The following ERCC6 variants were observed in gnomAD, a reference collection of about 807,000 sequenced individuals.
ERCC6 encodes ERCC excision repair 6, chromatin remodeling factor, also known as DNA excision repair protein ERCC-6.
Under a neutral mutation model 158.7 loss-of-function variants are expected in ERCC6, and 116 were observed. The ratio of observed to expected loss-of-function variants is 0.73; its 90% CI spans 0.63 to 0.85. ERCC6 has a LOEUF of 0.85. ERCC6 is among the 40% of genes least tolerant of loss of function. The pLI, the probability that ERCC6 is intolerant of heterozygous loss-of-function variation, is 0.00. For missense variants in ERCC6, 1,698 were observed against 1,799.4 expected (o/e 0.94, Z 1.02); for synonymous variants, 678 against 659.3 (o/e 1.03, Z -0.43).
intron 1 of ERCC6, 31 bp from the exon 2 acceptor site, chr10:49,533,009 G>A (rs761237267): frequency 3.9e-5 from 62 of 1,608,152 alleles, no homozygotes; most frequent in African/African-American, 6.7e-5. Flanking sequence ...AAGCCTTTTC[G>A]TTATATAGGA....
At position 49,493,244 on chromosome 10, in the gene ERCC6, C is replaced by G; in HGVS notation, c.1694G>C (p.Gly565Ala). 6.2e-7 allele frequency: 1 copy of G among 1,614,004 alleles called. No individual in the cohort carries two copies. The highest frequency in any genetic ancestry group is 8.5e-7 in the Non-Finnish European group (1 of 1,179,986). ...RTRGSNYRFE[G>A]LGPTVIVCPT... is the part of the protein sequence containing the mutation. ...ACAGACAATTACAGTTGGACCCAACCCCTCAAACCTGCATCCAAACGTCCA... is the reference window on the plus strand; with the variant it reads ...ACAGACAATTACAGTTGGACCCAACGCCTCAAACCTGCATCCAAACGTCCA... Residue 565 changes from glycine to alanine, a missense_variant, in exon 8 of 21, where the codon GGG becomes GCG. Coordinates refer to ENST00000355832, the MANE Select transcript of ERCC6 (RefSeq NM_000124.4).
chr10:49,533,020 T>C (rs1837510794), intron 1 of ERCC6, 42 bp from the exon 2 acceptor site: 1 of 1,589,430 alleles, frequency 6.3e-7, no homozygotes, highest in Non-Finnish European at 8.6e-7. Flanking sequence ...TTATATAGGA[T>C]TCATTGTAGT....
At chr10:49,453,770 G>GC (rs796496328), downstream of ERCC6, among the ~76,000 whole-genome samples, 1 of 151,836 alleles carries the variant, frequency 6.6e-6, no homozygotes, top group Non-Finnish European at 1.5e-5. Flanking sequence ...TTGGTTGACA[G>GC]TTTTTTTTTC....
intron 5 of ERCC6, among the ~76,000 whole-genome samples, chr10:49,509,671 G>A (rs1452318832): frequency 1.3e-5 from 2 of 152,096 alleles, no homozygotes; most frequent in Non-Finnish European, 2.9e-5. Context: ...GAGTGGGTAA[G>A]AATTAAAATC....
At chr10:49,517,087 T>C (rs1339184942) in intron 5 of ERCC6, 2 of 1,602,640 alleles carry the variant, frequency 1.2e-6, no homozygotes, top group Non-Finnish European at 1.7e-6. Flanking sequence ...AGGTCAGTTA[T>C]TTCATGTAAA....
intron 1 of ERCC6, among the ~76,000 whole-genome samples, chr10:49,535,587 G>A (rs1229464904): frequency 1.3e-5 from 2 of 152,058 alleles, no homozygotes; most frequent in Non-Finnish European, 2.9e-5. Flanking sequence ...TTTCTTATTT[G>A]TACACACATG....
At chr10:49,485,672 G>A (rs182529731) in intron 8 of ERCC6, among the ~76,000 whole-genome samples, 1 of 152,292 alleles carries the variant, frequency 6.6e-6, no homozygotes, top group Non-Finnish European at 1.5e-5. Flanking sequence ...AGAAAAATAT[G>A]TTAAAATACA....
At chr10:49,447,333 C>T in the ERCC6 span, among the ~76,000 whole-genome samples, 1 of 152,144 alleles carries the variant, frequency 6.6e-6, no homozygotes, top group Non-Finnish European at 1.5e-5. Flanking sequence ...GTGCGATCAC[C>T]ACTTCCATCT....
intron 5 of ERCC6, chr10:49,506,381 T>C (rs929186170): frequency 2.3e-5 from 6 of 263,008 alleles, no homozygotes; most frequent in Admixed American, 5.3e-5. Flanking sequence ...TTGAGTGTCT[T>C]CACAACCGCA....
Position 49,528,438 on chromosome 10 carries a change from C to T in ERCC6, c.631G>A (p.Ala211Thr), listed in dbSNP as rs369256002. 83 of 1,614,182 alleles carry T rather than the reference C, an allele frequency of 5.1e-5. No homozygotes were observed. Among genetic ancestry groups the T allele is most frequent in the African/African-American group, 1.5e-4 (11 of 75,038 alleles). ...TCACCTGCATCCTCCTCCAGACTGG[C>T]GTGATCTAGTTCAATTTTCACCTCT... ...GAEVKIELDH[A>T]SLEEDAEPGP... The change falls in exon 4 of 21, where the codon GCC (alanine) becomes ACC (threonine). Residue 211 changes from alanine (A) to threonine (T), a missense_variant. Ala to Thr is a moderately conservative substitution (Grantham distance 58). Coordinates refer to ENST00000355832, the MANE Select transcript of ERCC6 (RefSeq NM_000124.4).
rs114423177 is a variant in ERCC6, at chr10:49,478,449, C to A, written c.2191G>T (p.Ala731Ser). ...TTTATGGTATCTCGTAAGACACATG[C>A]ACACTTGTAAGCAGTTTTGACCTTT... ...PVQVKTAYKC[A>S]CVLRDTINPY... Residue 731 changes from alanine to serine, a missense_variant, in exon 11 of 21, where the codon GCA becomes TCA. Transcript: ENST00000355832. 32 of 1,612,628 alleles carry A rather than the reference C, an allele frequency of 2.0e-5. No homozygotes were observed. In the African/African-American group the frequency reaches 4.1e-4, roughly 21 times the overall value.
chr10:49,448,802 G>A, the ERCC6 span, among the ~76,000 whole-genome samples: 3 of 152,290 alleles, frequency 2.0e-5, no homozygotes, highest in South Asian at 4.1e-4. Context: ...ATGTATCAGT[G>A]TATCCGTCCT....
the ERCC6 span, among the ~76,000 whole-genome samples, chr10:49,437,898 G>C: frequency 6.6e-6 from 1 of 152,168 alleles, no homozygotes; most frequent in Non-Finnish European, 1.5e-5. Flanking sequence ...AACCATTTGA[G>C]AATAGGACAC....
chr10:49,442,296 G>A, the ERCC6 span, among the ~76,000 whole-genome samples: 22 of 152,208 alleles, frequency 1.4e-4, no homozygotes, highest in African/African-American at 5.1e-4. Context: ...GGGTCGGGAC[G>A]CTGAGTGGGG....
chr10:49,490,160 A>G (rs1040227066), intron 8 of ERCC6, among the ~76,000 whole-genome samples: 8 of 152,136 alleles, frequency 5.3e-5, no homozygotes, highest in East Asian at 1.9e-4. Flanking sequence ...TATCAGTTGT[A>G]TATTTTTTTG....
At position 49,471,138 on chromosome 10, in the gene ERCC6, AAGCTGGT is replaced by A; in HGVS notation, c.2925-25_2925-19del. The A allele has an allele frequency of 6.2e-7, 1 of 1,612,894 alleles. No homozygotes were observed. The highest frequency in any genetic ancestry group is 8.5e-7 in the Non-Finnish European group (1 of 1,179,458). ...AGATTTGTCTAAAAAAATAAAAGAT[AAGCTGGT>A]ATAAAACAATGTGTAGCTCTACCTA... is the stretch of plus-strand genomic sequence containing the variant. On this transcript the variant is annotated intron_variant, in intron 16 of 20. Coordinates refer to ENST00000355832, the MANE Select transcript of ERCC6 (RefSeq NM_000124.4).
chr10:49,500,497 A>C, intron 7 of ERCC6, 41 bp downstream of exon 7: 1 of 1,603,360 alleles, frequency 6.2e-7, no homozygotes, highest in Non-Finnish European at 8.5e-7. Flanking sequence ...TGAAATATTA[A>C]TTGAGCTCCA....
intron 5 of ERCC6, chr10:49,516,400 G>A (rs751348434): frequency 5.0e-6 from 8 of 1,614,096 alleles, no homozygotes; most frequent in South Asian, 2.2e-5. Flanking sequence ...TTGTCCACTG[G>A]ATCCAAATTT....
At chr10:49,504,264 T>G (rs572762322) in intron 6 of ERCC6, 9 of 152,248 alleles carry the variant, frequency 5.9e-5, no homozygotes, top group African/African-American at 2.2e-4. Flanking sequence ...AGAAGTTTTA[T>G]GACATAAAAT....
Sources: gnomAD v4.1 joint callset for allele counts (sites outside exome capture counted in the v4.1 genomes callset) on GRCh38, gnomAD v4.1.1 for gene constraint, MANE v1.5 for transcripts, NCBI Gene and HGNC (gene_info 2026-07-23, HGNC 2026-07-21) for gene names.